Variants in SLC37A1 observed in about 807,000 individuals in gnomAD.
SLC37A1 encodes the protein glucose-6-phosphate exchanger SLC37A1.
SLC37A1 carries 49 observed loss-of-function variants against 75.3 expected under a neutral mutation model. The observed-to-expected ratio is 0.65, with a 90% CI of 0.52 to 0.83. The LOEUF (loss-of-function observed/expected upper bound fraction) is 0.83, where lower values mean the gene tolerates loss of function less well. SLC37A1 is among the 40% of genes least tolerant of loss of function. The probability of loss-of-function intolerance (pLI) is 0.00; values close to 1 mark genes in which losing one functional copy is unlikely to be tolerated. For missense variants in SLC37A1, 566 were observed against 695.0 expected (o/e 0.81, Z 2.09); for synonymous variants, 268 against 292.1 (o/e 0.92, Z 0.84).
chr21:42,520,489 A>G (rs1016001283), intron 2 of SLC37A1, among the ~76,000 whole-genome samples: 4 of 152,232 alleles, frequency 2.6e-5, no homozygotes, highest in Admixed American at 1.3e-4. Flanking sequence ...CAGAAATCCC[A>G]TAGAAATGAG....
At chr21:42,542,562 C>A in intron 7 of SLC37A1, 82 bp downstream of exon 7, 1 of 1,331,626 alleles carries the variant, frequency 7.5e-7, no homozygotes, top group Non-Finnish European at 1.1e-6. Context: ...CTGATTACAG[C>A]AAAAACACTT....
At chr21:42,571,268 G>A (rs893941590) in intron 17 of SLC37A1, among the ~76,000 whole-genome samples, 4 of 152,210 alleles carry the variant, frequency 2.6e-5, no homozygotes, top group Non-Finnish European at 5.9e-5. Flanking sequence ...GACTCGGGTG[G>A]AGGCGAAACA....
chr21:42,505,284 T>C (rs2054374216), intron 2 of SLC37A1, among the ~76,000 whole-genome samples: 1 of 152,222 alleles, frequency 6.6e-6, no homozygotes, highest in Non-Finnish European at 1.5e-5. Flanking sequence ...CCACACTCTC[T>C]GCTGTGGCCA....
At chr21:42,577,373 A>G (rs1259085840) in intron 18 of SLC37A1, among the ~76,000 whole-genome samples, 2 of 152,276 alleles carry the variant, frequency 1.3e-5, no homozygotes, top group Admixed American at 1.3e-4. Flanking sequence ...TGCAACAGAA[A>G]CCATATGGCT....
chr21:42,512,231 A>AG (rs1210357781), upstream of SLC37A1, among the ~76,000 whole-genome samples: 4 of 61,344 alleles, frequency 6.5e-5, no homozygotes, highest in Admixed American at 2.6e-4. Flanking sequence ...GGTGGGGGGG[A>AG]GGGGGGGTGG....
intron 5 of SLC37A1, 56 bp from the exon 6 acceptor site, chr21:42,539,456 G>A: frequency 6.4e-7 from 1 of 1,554,766 alleles, no homozygotes; most frequent in Non-Finnish European, 8.7e-7. Flanking sequence ...CCACGAGGTT[G>A]CTAACATTCG....
chr21:42,550,724 A>G (rs139881184), intron 9 of SLC37A1, among the ~76,000 whole-genome samples: 11 of 152,354 alleles, frequency 7.2e-5, no homozygotes, highest in Middle Eastern at 3.4e-3. Flanking sequence ...CAAAAGGATT[A>G]TTTACCATGA....
At position 42,568,427 on chromosome 21, in the gene SLC37A1, C is replaced by T. The variant is rs771928444; in HGVS notation, c.1412C>T (p.Thr471Met). The change falls in exon 17 of 20, where the codon ACG becomes ATG. Residue 471 changes from threonine to methionine, a missense_variant. Thr to Met is a moderately conservative substitution (Grantham distance 81). Transcript: ENST00000352133. ...LSTVTAIIDG[T>M]GSVGAALGPL... Reference sequence around the variant, plus strand: ...ACCGTGACGGCCATCATTGACGGGACGGGCTCTGTAGGTGCGCAGAGAGTT... The same window carrying T: ...ACCGTGACGGCCATCATTGACGGGATGGGCTCTGTAGGTGCGCAGAGAGTT... 2.0e-5 allele frequency: 32 copies of T among 1,613,894 alleles called. No individual in the cohort carries two copies. The highest frequency in any genetic ancestry group is 4.0e-5 in the African/African-American group (3 of 74,908).
rs779051326 is a variant in SLC37A1, at chr21:42,559,056, C to T, written c.948C>T (p.Ala316=). Residue 316 remains alanine (A), a synonymous_variant, in exon 11 of 20, where the codon GCC becomes GCT. Transcript: ENST00000352133. ...ILPGDGGSGT[A]AISFTGALKI... is the part of the protein sequence containing the mutation. Reference sequence around the variant, plus strand: ...CCGGGGACGGTGGGAGTGGCACGGCCGCCATCAGCTTCACAGGGGCCTTGA... The same window carrying T: ...CCGGGGACGGTGGGAGTGGCACGGCTGCCATCAGCTTCACAGGGGCCTTGA... 35 of 1,613,000 alleles carry T rather than the reference C, an allele frequency of 2.2e-5. No individual in the cohort carries two copies. Among genetic ancestry groups the T allele is most frequent in the Admixed American group, 1.0e-4 (6 of 59,824 alleles).
rs1305204211 is a variant in SLC37A1, at chr21:42,532,322, T to G, written c.139-2376T>G. On this transcript the variant is annotated intron_variant, in intron 3 of 19. Transcript: ENST00000352133. ...ATCACAAAGGATATAAAATTCTGTTTTAAGCGGCGGCCTGCAGAATCTCTT... is the reference window on the plus strand; with the variant it reads ...ATCACAAAGGATATAAAATTCTGTTGTAAGCGGCGGCCTGCAGAATCTCTT... Among the ~76,000 whole-genome samples the G allele has an allele frequency of 1.8e-4, 28 of 152,238 alleles. 1 individual carries two copies. Among genetic ancestry groups the G allele is most frequent in the Admixed American group, 1.8e-3 (27 of 15,294 alleles).
At chr21:42,503,566 A>G (rs2054359801) in intron 2 of SLC37A1, among the ~76,000 whole-genome samples, 1 of 152,050 alleles carries the variant, frequency 6.6e-6, no homozygotes, top group Non-Finnish European at 1.5e-5. Context: ...TGTTTTTAAG[A>G]AAACAATGTG....
intron 11 of SLC37A1, chr21:42,561,655 T>A (rs1312409955): frequency 5.9e-6 from 1 of 170,532 alleles, no homozygotes; most frequent in Non-Finnish European, 1.3e-5. Flanking sequence ...CCCGTCCATG[T>A]TTGCATTGAC....
Position 42,534,958 on chromosome 21 carries a change from A to C in SLC37A1, c.271+128A>C, listed in dbSNP as rs574939502. The C allele has an allele frequency of 7.2e-5, 94 of 1,303,922 alleles. 2 individuals are homozygous for C. The South Asian group carries it at 1.3e-3, about 18-fold the overall frequency. The allele number at this position is 1,303,922 out of a possible 1,614,324, so 80.8% of individuals were successfully genotyped here. A position where few individuals can be genotyped will look rare whatever the true frequency, so the allele number is the denominator to read the frequency against. On this transcript the variant is annotated intron_variant, in intron 4 of 19. Coordinates refer to ENST00000352133, the MANE Select transcript of SLC37A1 (RefSeq NM_001320537.2). ...TTTCCATGACAGCCCTCTCCTACCAAAAAGCACATGACTTCACCGCCACGG... is the reference window on the plus strand; with the variant it reads ...TTTCCATGACAGCCCTCTCCTACCACAAAGCACATGACTTCACCGCCACGG...
chr21:42,557,842 A>G (rs1330984770), intron 10 of SLC37A1, among the ~76,000 whole-genome samples: 1 of 151,810 alleles, frequency 6.6e-6, no homozygotes, highest in Non-Finnish European at 1.5e-5. Flanking sequence ...TTATAGTGAG[A>G]TAAGTACCAC....
intron 9 of SLC37A1, among the ~76,000 whole-genome samples, chr21:42,549,046 A>G (rs1361015285): frequency 6.6e-6 from 1 of 152,238 alleles, no homozygotes; most frequent in African/African-American, 2.4e-5. Context: ...TATGGTTGAT[A>G]TTTTAAAATG....
chr21:42,537,860 G>T (rs2055178900), intron 5 of SLC37A1, among the ~76,000 whole-genome samples: 1 of 152,192 alleles, frequency 6.6e-6, no homozygotes, highest in Non-Finnish European at 1.5e-5. Context: ...GCCTTTTTGT[G>T]TGACAGTCCC....
chr21:42,575,383 G>A (rs1157066289), intron 18 of SLC37A1: 2 of 985,370 alleles, frequency 2.0e-6, no homozygotes. Flanking sequence ...GACGGCGGGA[G>A]CGGCCCCAAC....
At chr21:42,544,498 C>T (rs577961776) in intron 8 of SLC37A1, among the ~76,000 whole-genome samples, 2 of 152,344 alleles carry the variant, frequency 1.3e-5, no homozygotes, top group South Asian at 4.1e-4. Flanking sequence ...TGGAGACTCT[C>T]ACCCCATGCT....
intron 18 of SLC37A1, 105 bp from the exon 19 acceptor site, chr21:42,579,631 A>C (rs934357491): frequency 2.3e-6 from 2 of 880,654 alleles, no homozygotes; most frequent in African/African-American, 2.3e-5. Context: ...GTGGGGAGAG[A>C]GCCACCCGCC....
Sources: gnomAD v4.1 joint callset for allele counts (sites outside exome capture counted in the v4.1 genomes callset) on GRCh38, gnomAD v4.1.1 for gene constraint, MANE v1.5 for transcripts, NCBI Gene and HGNC (gene_info 2026-07-23, HGNC 2026-07-21) for gene names.